Variants in AGL observed in about 807,000 individuals in gnomAD.
AGL encodes glycogen debranching enzyme.
In AGL, 128 loss-of-function variants were observed where a neutral mutation model predicts 199.3. The observed-to-expected ratio is 0.64, with a 90% CI of 0.56 to 0.74. The LOEUF (loss-of-function observed/expected upper bound fraction) is 0.74, where lower values mean the gene tolerates loss of function less well. Among genes scored for constraint, AGL ranks in the 30% least tolerant of loss-of-function variants. The probability of loss-of-function intolerance (pLI) is 0.00; values close to 1 mark genes in which losing one functional copy is unlikely to be tolerated. For missense variants in AGL, 1,809 were observed against 1,820.8 expected, an observed-to-expected ratio of 0.99 and a Z score of 0.12; for synonymous variants, 584 against 594.7, an observed-to-expected ratio of 0.98 and a Z score of 0.26.
rs2100905735 is a variant in AGL, at chr1:99,922,419, TTA to T, written c.*772_*773del. On this transcript the variant is annotated 3_prime_UTR_variant, in exon 34 of 34. Transcript: ENST00000361915. ...CTAGAACTTTAAAGAAAAAAGAATG[TTA>T]TATTAGTTTTCTAAAACTCAACTAT... 6.6e-6 allele frequency: 1 copy of T among 151,926 alleles called. No individual in the cohort carries two copies. Among genetic ancestry groups the T allele is most frequent in the South Asian group, 2.1e-4 (1 of 4,816 alleles). The allele number at this position is 151,926 out of a possible 1,614,324, so 9.4% of individuals were successfully genotyped here. A position where few individuals can be genotyped will look rare whatever the true frequency, so the allele number is the denominator to read the frequency against.
At chr1:99,907,693 G>GTTTTGTTTTTTTT (rs1553191717) in intron 27 of AGL, among the ~76,000 whole-genome samples, 1 of 118,944 alleles carries the variant, frequency 8.4e-6, no homozygotes, top group African/African-American at 3.0e-5. Context: ...TTTGTTTTTT[G>GTTTTGTTTTTTTT]TTTTTTTTGC....
In AGL at chr1:99,896,379, T is replaced by G. The variant is rs749476338; in HGVS notation, c.3353T>G (p.Val1118Gly). ...ATACTGCTGATTACTGGACGCTATG[T>G]AGAAGCCAGGTAGGAGAGCCTCTAA... The part of the protein sequence containing the change: ...RGILLITGRY[V>G]EARNIILAFA... The change falls in exon 25 of 34, where the codon GTA (valine) becomes GGA (glycine). Residue 1118 changes from valine (V) to glycine (G), a missense_variant. Physicochemically the swap from Val to Gly is moderately radical, Grantham distance 109. Transcript: ENST00000361915. 2 of 1,612,642 alleles carry G rather than the reference T, an allele frequency of 1.2e-6. No homozygotes were observed. Among genetic ancestry groups the G allele is most frequent in the East Asian group, 2.2e-5 (1 of 44,862 alleles).
At chr1:99,906,651 TG>T (rs1654314904) in intron 27 of AGL, among the ~76,000 whole-genome samples, 1 of 152,222 alleles carries the variant, frequency 6.6e-6, no homozygotes, top group African/African-American at 2.4e-5. Flanking sequence ...CTTTTGTGAC[TG>T]ATTTTTTCCA....
chr1:99,907,693 G>GTTTTTTTTTTTTTTTTTTTTTT lies in AGL; in HGVS notation c.3701-3011_3701-3010insTTTTTTTTTTTTTTTTTTTTTT, dbSNP rs71075465. 3.9e-3 allele frequency among the ~76,000 whole-genome samples: 460 copies of GTTTTTTTTTTTTTTTTTTTTTT among 118,578 alleles called. 20 individuals are homozygous for GTTTTTTTTTTTTTTTTTTTTTT. Among genetic ancestry groups the GTTTTTTTTTTTTTTTTTTTTTT allele is most frequent in the Middle Eastern group, 0.013 (3 of 238 alleles). The allele number at this position is 118,578 out of a possible 152,430, so 77.8% of individuals were successfully genotyped here. On this transcript the variant is annotated intron_variant, in intron 27 of 33. Transcript: ENST00000361915. ...TTTTGTTCGTTTGTTTTTGTTTTTT[G>GTTTTTTTTTTTTTTTTTTTTTT]TTTTTTTTGCTAGTAGCCATCCTAA...
chr1:99,924,008 T>C lies in AGL; in HGVS notation c.*2357T>C, dbSNP rs1016330603. 1.3e-5 allele frequency: 2 copies of C among 152,194 alleles called. No homozygotes were observed. The highest frequency in any genetic ancestry group is 4.8e-5 in the African/African-American group (2 of 41,436). The allele number at this position is 152,194 out of a possible 1,614,324, so 9.4% of individuals were successfully genotyped here. ...TCTGTGTGTTAAGAAAATAAAAATATTTTCTAAAGGTCTGTATTTTGCTTT... is the reference window on the plus strand; with the variant it reads ...TCTGTGTGTTAAGAAAATAAAAATACTTTCTAAAGGTCTGTATTTTGCTTT... On this transcript the variant is annotated 3_prime_UTR_variant, in exon 34 of 34. Coordinates refer to ENST00000361915, the MANE Select transcript of AGL (RefSeq NM_000642.3).
intron 33 of AGL, among the ~76,000 whole-genome samples, chr1:99,920,448 G>A (rs1452652365): frequency 6.6e-6 from 1 of 152,170 alleles, no homozygotes; most frequent in Non-Finnish European, 1.5e-5. Context: ...GGTACTCGGG[G>A]CTAGGACTTC....
intron 29 of AGL, among the ~76,000 whole-genome samples, chr1:99,913,235 A>G (rs1378454130): frequency 1.3e-5 from 2 of 151,990 alleles, no homozygotes; most frequent in South Asian, 2.1e-4. Context: ...AAAAAAAAAG[A>G]CATTTTATTT....
chr1:99,871,484 T>C (rs958708263), intron 7 of AGL, among the ~76,000 whole-genome samples: 3 of 149,394 alleles, frequency 2.0e-5, no homozygotes, highest in Non-Finnish European at 4.4e-5. Flanking sequence ...GGAGACAAAT[T>C]AGAAAGGATT....
intron 24 of AGL, among the ~76,000 whole-genome samples, chr1:99,894,015 T>A (rs768054221): frequency 4.0e-5 from 6 of 151,846 alleles, no homozygotes; most frequent in African/African-American, 1.5e-4. Context: ...AGACCCCATC[T>A]TTACCAAAAA....
At chr1:99,898,620 C>T (rs996017107) in intron 25 of AGL, among the ~76,000 whole-genome samples, 5 of 152,072 alleles carry the variant, frequency 3.3e-5, no homozygotes, top group Non-Finnish European at 7.3e-5. Flanking sequence ...TAGTCGTAGA[C>T]GCATGCTCAG....
intron 12 of AGL, among the ~76,000 whole-genome samples, chr1:99,878,316 G>T (rs1651724002): frequency 2.0e-5 from 3 of 151,888 alleles, no homozygotes; most frequent in Admixed American, 2.0e-4. Context: ...CTGCACTCCA[G>T]CCTGGCGACA....
intron 28 of AGL, among the ~76,000 whole-genome samples, chr1:99,911,056 C>T (rs925305570): frequency 7.2e-5 from 11 of 152,088 alleles, no homozygotes; most frequent in African/African-American, 2.7e-4. Flanking sequence ...TCTGTAAGTG[C>T]TCGTGGGTTG....
In AGL at chr1:99,923,771, C is replaced by T. The variant is rs1481457847; in HGVS notation, c.*2120C>T. Reference sequence around the variant, plus strand: ...TATTGTATTTCAACAATGGACTATGCCTTGGTTTTTCACTAATCAAAATCA... The same window carrying T: ...TATTGTATTTCAACAATGGACTATGTCTTGGTTTTTCACTAATCAAAATCA... On this transcript the variant is annotated 3_prime_UTR_variant, in exon 34 of 34. Coordinates refer to ENST00000361915, the MANE Select transcript of AGL (RefSeq NM_000642.3). 6.6e-6 allele frequency: 1 copy of T among 152,024 alleles called. No individual in the cohort carries two copies. Among genetic ancestry groups the T allele is most frequent in the African/African-American group, 2.4e-5 (1 of 41,380 alleles). 9.4% of individuals were successfully genotyped at this position (152,024 alleles called of 1,614,324 possible).
chr1:99,886,971 G>C (rs565578419), intron 20 of AGL, among the ~76,000 whole-genome samples: 107 of 152,216 alleles, frequency 7.0e-4, no homozygotes, highest in Non-Finnish European at 1.2e-3. Context: ...AGATCCCCAG[G>C]TAATTTTTAG....
chr1:99,863,173 C>CAA (rs1650210138), intron 4 of AGL, among the ~76,000 whole-genome samples: 1 of 151,876 alleles, frequency 6.6e-6, no homozygotes, highest in Non-Finnish European at 1.5e-5. Flanking sequence ...CTTCTGACCT[C>CAA]GTGATCTGCC....
At position 99,900,794 on chromosome 1, in the gene AGL, T is replaced by A; in HGVS notation, c.3521T>A (p.Ile1174Asn). 6.2e-7 allele frequency: 1 copy of A among 1,614,014 alleles called. No individual in the cohort carries two copies. Among genetic ancestry groups the A allele is most frequent in the Non-Finnish European group, 8.5e-7 (1 of 1,179,916 alleles). The change falls in exon 26 of 34, where the codon ATT becomes AAT. Residue 1174 changes from isoleucine (I) to asparagine (N), a missense_variant. Physicochemically the swap from Ile to Asn is moderately radical, Grantham distance 149. Transcript: ENST00000361915. ...YCKMVPNGLDILKCPVSRMYP... is the reference protein window; with the variant it reads ...YCKMVPNGLDNLKCPVSRMYP... The stretch of plus-strand genomic sequence containing the variant: ...AAAATGGTTCCAAATGGTCTAGACA[T>A]TCTCAAGTGCCCAGTTTCCAGAATG...
chr1:99,904,325 G>T (rs1457916376), intron 27 of AGL, among the ~76,000 whole-genome samples: 1 of 151,912 alleles, frequency 6.6e-6, no homozygotes, highest in Non-Finnish European at 1.5e-5. Flanking sequence ...GTTCATGTGG[G>T]TTTTTTAAAC....
chr1:99,882,016 G>T (rs1652074205), intron 17 of AGL, among the ~76,000 whole-genome samples: 1 of 151,788 alleles, frequency 6.6e-6, no homozygotes, highest in Admixed American at 6.6e-5. Flanking sequence ...GCACATGCCT[G>T]TAGTCTTGGC....
chr1:99,912,926 A>G (rs994319460), intron 29 of AGL, among the ~76,000 whole-genome samples: 5 of 152,222 alleles, frequency 3.3e-5, no homozygotes, highest in Non-Finnish European at 7.3e-5. Flanking sequence ...TGATTACAAG[A>G]TATTTTATTA....
Sources: gnomAD v4.1 joint callset for allele counts (sites outside exome capture counted in the v4.1 genomes callset) on GRCh38, gnomAD v4.1.1 for gene constraint, MANE v1.5 for transcripts, NCBI Gene and HGNC (gene_info 2026-07-23, HGNC 2026-07-21) for gene names.